The following COQ8A variants were observed in gnomAD, a reference collection of about 807,000 sequenced individuals.
COQ8A encodes coenzyme Q8A.
In COQ8A, 51 loss-of-function variants were observed where a neutral mutation model predicts 65.0. The observed-to-expected ratio is 0.78, with a 90% CI of 0.63 to 0.99. The LOEUF (loss-of-function observed/expected upper bound fraction) is 0.99, where lower values mean the gene tolerates loss of function less well. COQ8A is among the 50% of genes least tolerant of loss of function. The pLI is 0.00. For missense variants in COQ8A, 940 were observed against 875.0 expected (o/e 1.07, Z -0.94); for synonymous variants, 371 against 353.2 (o/e 1.05, Z -0.57).
rs576820952 is a variant in COQ8A at position 226,972,297 on chromosome 1, A to C, written c.656-5152A>C. ...AGGGGAGAGAGGAAGACAGGAAACA[A>C]AAAGTAAAGAAAGAGGAAGCAATAA... On this transcript the variant is annotated intron_variant, in intron 4 of 14. Coordinates refer to ENST00000366777, the MANE Select transcript of COQ8A (RefSeq NM_020247.5). The surrounding 1 kb of genome is among the most constrained non-coding windows in gnomAD (Gnocchi z 4.3). 1.5e-4 allele frequency among the ~76,000 whole-genome samples: 23 copies of C among 152,182 alleles called. No homozygotes were observed. Among genetic ancestry groups the C allele is most frequent in the Non-Finnish European group, 3.1e-4 (21 of 68,040 alleles).
Position 226,986,824 on chromosome 1 carries a change from T to A in COQ8A, c.*87T>A. ...CAGTAGCGAGGTCGTGGTGATGCTC[T>A]TTTTAACTCCTTTGCCCAATAAGGG... On this transcript the variant is annotated 3_prime_UTR_variant, in exon 15 of 15. Coordinates refer to ENST00000366777, the MANE Select transcript of COQ8A (RefSeq NM_020247.5). 6.7e-7 allele frequency: 1 copy of A among 1,502,620 alleles called. No individual in the cohort carries two copies. Among genetic ancestry groups the A allele is most frequent in the South Asian group, 1.2e-5 (1 of 83,680 alleles). The allele number at this position is 1,502,620 out of a possible 1,614,324, so 93.1% of individuals were successfully genotyped here.
intron 14 of COQ8A, 117 bp downstream of exon 14, chr1:226,985,457 C>G: frequency 8.5e-7 from 1 of 1,171,994 alleles, no homozygotes; most frequent in Non-Finnish European, 1.3e-6. Context: ...GAGCCCGGGC[C>G]TCCTTGGGCA....
rs371368057 is a variant in COQ8A, at chr1:226,984,869, T to A, written c.1507-7T>A. The A allele has an allele frequency of 3.7e-6, 6 of 1,613,970 alleles. No homozygotes were observed. Among genetic ancestry groups the A allele is most frequent in the Non-Finnish European group, 5.1e-6 (6 of 1,179,938 alleles). ...GGCCAAACTTCTCCTGGTGTCTCTG[T>A]CCCCAGGTGGCTCTTTTGGATTTTG... On this transcript the variant is annotated splice_polypyrimidine_tract_variant and splice_region_variant and intron_variant, in intron 12 of 14. Coordinates refer to ENST00000366777, the MANE Select transcript of COQ8A (RefSeq NM_020247.5).
chr1:226,978,165 GCA>G (rs1335710143), intron 5 of COQ8A, among the ~76,000 whole-genome samples: 1 of 125,280 alleles, frequency 8.0e-6, no homozygotes, highest in Non-Finnish European at 1.7e-5. Flanking sequence ...ACACACCCAC[GCA>G]CCTTTTTACA....
intron 10 of COQ8A, 56 bp downstream of exon 10, chr1:226,983,910 A>G (rs1225132643): frequency 3.2e-6 from 5 of 1,581,260 alleles, no homozygotes; most frequent in Admixed American, 1.7e-5. Flanking sequence ...AGAAGGGACC[A>G]TGTTCAGCAG....
intron 2 of COQ8A, 59 bp downstream of exon 2, chr1:226,961,621 TGGG>T: frequency 6.5e-7 from 1 of 1,546,626 alleles, no homozygotes; most frequent in Non-Finnish European, 8.8e-7. Flanking sequence ...CCTGGAGCTC[TGGG>T]GGAGACCAAG....
intron 1 of COQ8A, among the ~76,000 whole-genome samples, chr1:226,956,007 C>G (rs2148029209): frequency 7.1e-6 from 1 of 141,300 alleles, no homozygotes; most frequent in South Asian, 2.3e-4. Context: ...CACACTCTCC[C>G]TGGCTCCCAC....
intron 1 of COQ8A, among the ~76,000 whole-genome samples, chr1:226,955,948 G>A (rs1389844973): frequency 7.9e-6 from 1 of 126,894 alleles, no homozygotes; most frequent in African/African-American, 3.4e-5. Context: ...ATTCTCCCTG[G>A]TTCCCGCTCT....
intron 4 of COQ8A, among the ~76,000 whole-genome samples, chr1:226,968,447 A>G (rs1658688325): frequency 6.6e-6 from 1 of 152,210 alleles, no homozygotes; most frequent in African/African-American, 2.4e-5. Context: ...AGACATACAT[A>G]CTATTTAAGT....
At chr1:226,969,430 C>T (rs1658753258) in intron 4 of COQ8A, among the ~76,000 whole-genome samples, 1 of 152,182 alleles carries the variant, frequency 6.6e-6, no homozygotes, top group Non-Finnish European at 1.5e-5. Context: ...TCCCGAGTAG[C>T]TGAGACTACA....
chr1:226,984,275 C>T lies in COQ8A; in HGVS notation c.1398+40C>T, dbSNP rs754543091. ...GCAGACAGGTGGGGCCAGGGTGGCC[C>T]TGCTGTGTGGCTGTTTGGTGACCTA... On this transcript the variant is annotated intron_variant, in intron 11 of 14. Coordinates refer to ENST00000366777, the MANE Select transcript of COQ8A (RefSeq NM_020247.5). 3.7e-6 allele frequency: 6 copies of T among 1,611,190 alleles called. No homozygotes were observed. In the East Asian group the frequency reaches 1.1e-4, roughly 30 times the overall value.
chr1:226,984,232 C>T lies in COQ8A; in HGVS notation c.1395C>T (p.Asn465=), dbSNP rs567318021. Reference sequence around the variant, plus strand: ...AAGGGCTCAGCCAGGAGATTCGGAACGAGGTTTGTCTGTGCCAGCAGACAG... The same window carrying T: ...AAGGGCTCAGCCAGGAGATTCGGAATGAGGTTTGTCTGTGCCAGCAGACAG... The part of the protein sequence containing the change: ...QAEGLSQEIR[N]EICYNILVLC... The change falls in exon 11 of 15, where the codon AAC becomes AAT. Residue 465 remains asparagine (N), a synonymous_variant. Transcript: ENST00000366777. 7.4e-5 allele frequency: 119 copies of T among 1,613,558 alleles called. No individual in the cohort carries two copies. The highest frequency in any genetic ancestry group is 3.6e-4 in the East Asian group (16 of 44,878).
Position 226,984,387 on chromosome 1 carries a change from CAG to C in COQ8A, c.1398+153_1398+154del, listed in dbSNP as rs1572083925. The C allele has an allele frequency of 1.2e-5, 16 of 1,350,240 alleles. No homozygotes were observed. The East Asian group carries it at 3.1e-4, about 27-fold the overall frequency. 83.6% of individuals were successfully genotyped at this position (1,350,240 alleles called of 1,614,324 possible). On this transcript the variant is annotated intron_variant, in intron 11 of 14. Coordinates refer to ENST00000366777, the MANE Select transcript of COQ8A (RefSeq NM_020247.5). Reference sequence around the variant, plus strand: ...AGCACCAGTGGGACTTAGGGGGACACAGGGGAGCTGCTGCCTTCCCTGGCCCA... The same window carrying C: ...AGCACCAGTGGGACTTAGGGGGACACGGGAGCTGCTGCCTTCCCTGGCCCA...
chr1:226,968,803 G>A (rs915268336), intron 4 of COQ8A, among the ~76,000 whole-genome samples: 2 of 152,160 alleles, frequency 1.3e-5, no homozygotes, highest in Non-Finnish European at 2.9e-5. Flanking sequence ...GGCGGGGCAT[G>A]AGTCCTAAGT....
chr1:226,954,409 G>T (rs1166526181), intron 1 of COQ8A, among the ~76,000 whole-genome samples: 7 of 152,230 alleles, frequency 4.6e-5, no homozygotes, highest in South Asian at 2.1e-4. Context: ...CAGAACCGGG[G>T]TTCTCAAAGT....
At chr1:226,970,559 C>T (rs972889470) in intron 4 of COQ8A, among the ~76,000 whole-genome samples, 6 of 152,180 alleles carry the variant, frequency 3.9e-5, no homozygotes, top group East Asian at 1.9e-4. Context: ...TTACATGATG[C>T]GTGACCGTGC....
rs147405732 is a variant in COQ8A at position 226,983,547 on chromosome 1, C to T, written c.1081-5C>T. ...AACTCCCCTGCCTCACCCATACCCCCACAGTACCCTGGCGTGGCCCAGAGC... is the reference window on the plus strand; with the variant it reads ...AACTCCCCTGCCTCACCCATACCCCTACAGTACCCTGGCGTGGCCCAGAGC... On this transcript the variant is annotated splice_region_variant and splice_polypyrimidine_tract_variant and intron_variant, in intron 8 of 14. Transcript: ENST00000366777. 18 of 1,613,742 alleles carry T rather than the reference C, an allele frequency of 1.1e-5. No individual in the cohort carries two copies. The African/African-American group carries it at 1.7e-4, about 16-fold the overall frequency.
Position 226,940,296 on chromosome 1 carries a change from A to G in COQ8A, c.-113A>G, listed in dbSNP as rs886046063. 16 of 152,204 alleles carry G rather than the reference A, an allele frequency of 1.1e-4. No homozygotes were observed. Among genetic ancestry groups the G allele is most frequent in the African/African-American group, 3.6e-4 (15 of 41,382 alleles). The allele number at this position is 152,204 out of a possible 1,614,324, so 9.4% of individuals were successfully genotyped here. On this transcript the variant is annotated 5_prime_UTR_variant, in exon 1 of 15. Transcript: ENST00000366777. ...TCCCCCGGAGCGGGCGAGTTGGTAA[A>G]CAGATCCGGAGCGCGTGGCGGGCGT...
intron 1 of COQ8A, among the ~76,000 whole-genome samples, chr1:226,948,939 C>T (rs1316850): frequency 0.14 from 21,473 of 152,118 alleles, 2,010 homozygotes; most frequent in South Asian, 0.33. Context: ...TCCACCCACC[C>T]CTCCATTTAT....
Sources: allele counts gnomAD v4.1 joint callset (sites outside exome capture counted in the v4.1 genomes callset), GRCh38; gene constraint gnomAD v4.1.1; non-coding constraint Gnocchi (gnomAD v3.1); transcripts MANE v1.5; gene names NCBI Gene and HGNC (gene_info 2026-07-23, HGNC 2026-07-21).